Variants in THEMIS observed in about 807,000 individuals in gnomAD.
THEMIS encodes the protein thymocyte selection associated.
A neutral mutation model predicts 52.6 loss-of-function variants in THEMIS; 37 were observed. That is an observed-to-expected ratio of 0.70 (90% CI 0.54 to 0.93). The LOEUF is 0.93. Among genes scored for constraint, THEMIS ranks in the 40% least tolerant of loss-of-function variants. THEMIS has a pLI of 0.00. For missense variants in THEMIS, 808 were observed against 763.1 expected (o/e 1.06, Z -0.69); for synonymous variants, 292 against 272.7 (o/e 1.07, Z -0.70).
chr6:127,718,355 C>A (rs1442747613), intron 5 of THEMIS, among the ~76,000 whole-genome samples: 2 of 151,814 alleles, frequency 1.3e-5, no homozygotes, highest in African/African-American at 4.8e-5. Flanking sequence ...TGCTTTAATT[C>A]CAGGTCATCT....
chr6:127,850,548 C>A (rs908002000), intron 2 of THEMIS, among the ~76,000 whole-genome samples: 3 of 151,726 alleles, frequency 2.0e-5, no homozygotes, highest in African/African-American at 7.3e-5. Context: ...TGGAATATTA[C>A]TCATCTGTAA....
rs1175329793 is a variant in THEMIS at position 127,771,471 on chromosome 6, AAAG to A, written c.1758+41409_1758+41411del. ...ATATTGCCAAGACAATCCTAAGCAA[AAAG>A]AAGAAAGCTGGAGGCATCACACTAC... On this transcript the variant is annotated intron_variant, in intron 4 of 5. Coordinates refer to ENST00000368248, the MANE Select transcript of THEMIS (RefSeq NM_001010923.3). Among the ~76,000 whole-genome samples the A allele has an allele frequency of 9.2e-5, 14 of 152,278 alleles. No homozygotes were observed. The East Asian group carries it at 1.4e-3, about 15-fold the overall frequency.
intron 2 of THEMIS, among the ~76,000 whole-genome samples, chr6:127,849,461 T>C (rs937704203): frequency 6.6e-6 from 1 of 151,832 alleles, no homozygotes; most frequent in Non-Finnish European, 1.5e-5. Flanking sequence ...CCCATCAAGC[T>C]ACCAATGACT....
At chr6:127,895,999 A>G (rs150471315) in intron 1 of THEMIS, among the ~76,000 whole-genome samples, 263 of 151,630 alleles carry the variant, frequency 1.7e-3, no homozygotes, top group African/African-American at 5.9e-3. Flanking sequence ...GTGAAATATG[A>G]CCCCATTGGT....
chr6:127,882,432 A>T (rs1189665353), intron 1 of THEMIS, among the ~76,000 whole-genome samples: 1 of 151,926 alleles, frequency 6.6e-6, no homozygotes, highest in East Asian at 1.9e-4. Flanking sequence ...TTCAGGATAT[A>T]ATAAATTTTA....
chr6:127,721,017 C>T (rs941983305), intron 4 of THEMIS, among the ~76,000 whole-genome samples: 6 of 151,850 alleles, frequency 4.0e-5, no homozygotes, highest in Non-Finnish European at 7.4e-5. Context: ...TTCTTCTGGC[C>T]CAATAGGATA....
chr6:127,869,262 C>G (rs1780081834), intron 1 of THEMIS, among the ~76,000 whole-genome samples: 1 of 152,112 alleles, frequency 6.6e-6, no homozygotes, highest in Non-Finnish European at 1.5e-5. Context: ...TACATATAAC[C>G]TATTGAACAT....
intron 4 of THEMIS, among the ~76,000 whole-genome samples, chr6:127,727,877 C>A (rs566617370): frequency 2.0e-5 from 3 of 152,036 alleles, no homozygotes; most frequent in Admixed American, 6.6e-5. Flanking sequence ...TCTTTGAAAC[C>A]CCTTCCCATA....
intron 1 of THEMIS, among the ~76,000 whole-genome samples, chr6:127,874,328 T>A (rs1780249075): frequency 6.6e-6 from 1 of 152,238 alleles, no homozygotes; most frequent in South Asian, 2.1e-4. Flanking sequence ...ATCTGTTACA[T>A]GTGTTTACCT....
intron 4 of THEMIS, among the ~76,000 whole-genome samples, chr6:127,737,631 T>C (rs1775053285): frequency 6.6e-6 from 1 of 152,240 alleles, no homozygotes; most frequent in South Asian, 2.1e-4. Context: ...TTGCCTAACA[T>C]GTTATATTTG....
chr6:127,815,078 G>A (rs968483756), intron 3 of THEMIS, among the ~76,000 whole-genome samples: 1 of 152,116 alleles, frequency 6.6e-6, no homozygotes, highest in Non-Finnish European at 1.5e-5. Flanking sequence ...TTGAGCCTGA[G>A]AAGCAAATGT....
rs1251487444 is a variant in THEMIS, at chr6:127,855,082, C to A, written c.198G>T (p.Gln66His). The change falls in exon 2 of 6, where the codon CAG (glutamine) becomes CAT (histidine). Residue 66 changes from glutamine to histidine, a missense_variant. By Grantham distance (24) the Gln-to-His change is conservative. Coordinates refer to ENST00000368248, the MANE Select transcript of THEMIS (RefSeq NM_001010923.3). ...GCTGTAGAGACTCACAACCTTCAAT[C>A]TGCTCACAAATTTCAGCTATGATCT... ...VKKIIAEICE[Q>H]IEGCESLQPF... The A allele has an allele frequency of 1.2e-6, 2 of 1,611,360 alleles. No homozygotes were observed. Among genetic ancestry groups the A allele is most frequent in the Admixed American group, 1.7e-5 (1 of 59,714 alleles).
At chr6:127,730,214 C>T (rs1376025182) in intron 4 of THEMIS, among the ~76,000 whole-genome samples, 11 of 150,324 alleles carry the variant, frequency 7.3e-5, no homozygotes, top group Admixed American at 5.4e-4. Context: ...CTGTAGTGAG[C>T]TGTGATTGTG....
At chr6:127,879,894 C>T (rs1008253364) in intron 1 of THEMIS, among the ~76,000 whole-genome samples, 11 of 151,938 alleles carry the variant, frequency 7.2e-5, no homozygotes, top group African/African-American at 2.7e-4. Flanking sequence ...CCGGGAAATG[C>T]GCCCCCACCT....
intron 4 of THEMIS, among the ~76,000 whole-genome samples, chr6:127,738,327 A>T (rs1775077939): frequency 6.6e-6 from 1 of 152,142 alleles, no homozygotes; most frequent in Non-Finnish European, 1.5e-5. Flanking sequence ...CATGCATAGA[A>T]AAGGAATATT....
chr6:127,893,784 C>A (rs144644471), intron 1 of THEMIS, among the ~76,000 whole-genome samples: 1 of 151,990 alleles, frequency 6.6e-6, no homozygotes, highest in African/African-American at 2.4e-5. Flanking sequence ...CACCACAGGA[C>A]GGGTGGAATC....
chr6:127,730,306 GAAA>G (rs1562219813), intron 4 of THEMIS, among the ~76,000 whole-genome samples: 3 of 123,482 alleles, frequency 2.4e-5, no homozygotes, highest in South Asian at 4.9e-4. Context: ...GAAAAGAAAA[GAAA>G]AGAAAAGAGA....
intron 1 of THEMIS, among the ~76,000 whole-genome samples, chr6:127,911,743 C>A (rs577099964): frequency 6.6e-6 from 1 of 151,364 alleles, no homozygotes; most frequent in Non-Finnish European, 1.5e-5. Context: ...TATGGAAATG[C>A]CAGGATGTCC....
chr6:127,758,451 T>C (rs1775909309), intron 4 of THEMIS, among the ~76,000 whole-genome samples: 1 of 147,788 alleles, frequency 6.8e-6, no homozygotes, highest in South Asian at 2.1e-4. Flanking sequence ...ATAATATATA[T>C]TATAAATATT....
Sources: gnomAD v4.1 joint callset for allele counts (sites outside exome capture counted in the v4.1 genomes callset) on GRCh38, gnomAD v4.1.1 for gene constraint, MANE v1.5 for transcripts, NCBI Gene and HGNC (gene_info 2026-07-23, HGNC 2026-07-21) for gene names.